The following GPR158 variants were observed in gnomAD, a reference collection of about 807,000 sequenced individuals.
The protein encoded by GPR158 is G protein-coupled receptor 158.
Under a neutral mutation model 78.2 loss-of-function variants are expected in GPR158, and 30 were observed. The observed-to-expected ratio is 0.38, with a 90% CI of 0.29 to 0.52. GPR158 has a LOEUF of 0.52. Among genes scored for constraint, GPR158 ranks in the 20% least tolerant of loss-of-function variants. The probability of loss-of-function intolerance (pLI) is 0.83; values close to 1 mark genes in which losing one functional copy is unlikely to be tolerated. For missense variants in GPR158, 1,463 were observed against 1,523.5 expected, an observed-to-expected ratio of 0.96 and a Z score of 0.66; for synonymous variants, 581 against 591.1, an observed-to-expected ratio of 0.98 and a Z score of 0.25.
At chr10:25,251,095 G>A (rs1853790565) in intron 2 of GPR158, among the ~76,000 whole-genome samples, 1 of 152,008 alleles carries the variant, frequency 6.6e-6, no homozygotes, top group African/African-American at 2.4e-5. Context: ...TTTGATCTTT[G>A]TTGGTTTAAA....
At chr10:25,271,299 A>G (rs1264012513) in intron 2 of GPR158, among the ~76,000 whole-genome samples, 1 of 152,190 alleles carries the variant, frequency 6.6e-6, no homozygotes, top group Non-Finnish European at 1.5e-5. Context: ...TTAATTATGT[A>G]TTTATTTATG....
chr10:25,241,723 T>G (rs552322594), intron 2 of GPR158, among the ~76,000 whole-genome samples: 1 of 152,146 alleles, frequency 6.6e-6, no homozygotes, highest in African/African-American at 2.4e-5. Flanking sequence ...TGCCTGGCCC[T>G]TTTACTTTGA....
chr10:25,488,070 A>T (rs1453817196), intron 5 of GPR158, among the ~76,000 whole-genome samples: 1 of 152,126 alleles, frequency 6.6e-6, no homozygotes, highest in Non-Finnish European at 1.5e-5. Flanking sequence ...AAAAGGCTAA[A>T]TTTTTTTCTT....
At chr10:25,349,903 A>AT (rs879389230) in intron 2 of GPR158, among the ~76,000 whole-genome samples, 5,514 of 138,002 alleles carry the variant, frequency 0.04, 638 homozygotes, top group African/African-American at 0.15. Flanking sequence ...TTCTGGTGAG[A>AT]CTAAAGGAAA....
chr10:25,592,221 A>G (rs553154560), intron 8 of GPR158, among the ~76,000 whole-genome samples: 2 of 152,122 alleles, frequency 1.3e-5, no homozygotes, highest in African/African-American at 2.4e-5. Flanking sequence ...AACTATGACT[A>G]TACATTATAT....
At chr10:25,503,316 G>C (rs764553018) in intron 5 of GPR158, among the ~76,000 whole-genome samples, 1 of 152,020 alleles carries the variant, frequency 6.6e-6, no homozygotes, top group Non-Finnish European at 1.5e-5. Flanking sequence ...ATTTGAGGTC[G>C]TAGTGAGCTA....
chr10:25,182,999 G>A (rs748892833), intron 1 of GPR158, among the ~76,000 whole-genome samples: 1 of 152,208 alleles, frequency 6.6e-6, no homozygotes, highest in Non-Finnish European at 1.5e-5. Context: ...AGCCAGCAGC[G>A]TTGTGAAGCT....
chr10:25,427,335 C>T (rs1339425197), intron 4 of GPR158, among the ~76,000 whole-genome samples: 2 of 152,052 alleles, frequency 1.3e-5, no homozygotes, highest in Non-Finnish European at 2.9e-5. Flanking sequence ...TCTTTTACTC[C>T]TACCTCTTGC....
At chr10:25,282,483 GTA>G (rs957603098) in intron 2 of GPR158, among the ~76,000 whole-genome samples, 2 of 151,924 alleles carry the variant, frequency 1.3e-5, no homozygotes, top group Non-Finnish European at 2.9e-5. Flanking sequence ...ATTTCTCTTG[GTA>G]TATACCTAGG....
chr10:25,338,564 G>GTATATTATTATATATAATACATATTATA (rs200110849), intron 2 of GPR158, among the ~76,000 whole-genome samples: 58,574 of 129,658 alleles, frequency 0.45, 17,500 homozygotes, highest in Non-Finnish European at 0.67. Context: ...AATACGTATT[G>GTATATTATTATATATAATACATATTATA]TATATTATTA....
At chr10:25,215,407 T>C (rs1212851823) in intron 1 of GPR158, among the ~76,000 whole-genome samples, 1 of 152,120 alleles carries the variant, frequency 6.6e-6, no homozygotes, top group East Asian at 1.9e-4. Context: ...GGGAACAGAG[T>C]TTCAGTTTTG....
chr10:25,536,041 A>G (rs1836496017), intron 5 of GPR158, among the ~76,000 whole-genome samples: 2 of 152,166 alleles, frequency 1.3e-5, no homozygotes, highest in South Asian at 2.1e-4. Context: ...GTCCCAGGTT[A>G]TATTTCTCAT....
At chr10:25,543,629 C>T (rs1005317072) in intron 5 of GPR158, among the ~76,000 whole-genome samples, 10 of 152,166 alleles carry the variant, frequency 6.6e-5, no homozygotes, top group Non-Finnish European at 1.5e-4. Context: ...CCTTTCACTT[C>T]TCCACTTTTC....
chr10:25,539,002 G>A (rs1309428709), intron 5 of GPR158, among the ~76,000 whole-genome samples: 1 of 152,154 alleles, frequency 6.6e-6, no homozygotes, highest in Non-Finnish European at 1.5e-5. Flanking sequence ...TGGGAAAACC[G>A]AGACCAGGGA....
intron 4 of GPR158, among the ~76,000 whole-genome samples, chr10:25,459,926 T>C (rs1588874233): frequency 6.6e-6 from 1 of 152,298 alleles, no homozygotes; most frequent in Middle Eastern, 3.4e-3. Flanking sequence ...GGGATGGAAA[T>C]GGAGTAAGGT....
rs113016555 is a variant in GPR158 at position 25,350,124 on chromosome 10, TA to T, written c.1009-45776del. 4.0e-3 allele frequency among the ~76,000 whole-genome samples: 593 copies of T among 146,936 alleles called. 2 individuals carry two copies. Among genetic ancestry groups the T allele is most frequent in the Middle Eastern group, 0.01 (3 of 288 alleles). ...TGAAGTGCATCCAGGCCTGGCTGAT[TA>T]AAAAAAAAAAGATGAATTAGAATAG... is the stretch of plus-strand genomic sequence containing the variant. On this transcript the variant is annotated intron_variant, in intron 2 of 10. Transcript: ENST00000376351.
chr10:25,541,613 A>AT (rs397760877), intron 5 of GPR158, among the ~76,000 whole-genome samples: 3 of 151,586 alleles, frequency 2.0e-5, no homozygotes, highest in Non-Finnish European at 4.4e-5. Context: ...AAAAAAAAAA[A>AT]TTTTAGAACA....
intron 5 of GPR158, among the ~76,000 whole-genome samples, chr10:25,467,258 C>T (rs546553452): frequency 6.6e-6 from 1 of 152,290 alleles, no homozygotes; most frequent in East Asian, 1.9e-4. Flanking sequence ...AGATAAAAGA[C>T]TGTGGAGACC....
intron 2 of GPR158, among the ~76,000 whole-genome samples, chr10:25,393,997 T>C (rs1834336476): frequency 6.6e-6 from 1 of 152,232 alleles, no homozygotes; most frequent in East Asian, 1.9e-4. Context: ...TCAAACTACC[T>C]ATTTGAGATG....
Sources: allele counts gnomAD v4.1 joint callset (sites outside exome capture counted in the v4.1 genomes callset), GRCh38; gene constraint gnomAD v4.1.1; transcripts MANE v1.5; gene names NCBI Gene and HGNC (gene_info 2026-07-23, HGNC 2026-07-21).